The following SCN4A variants were observed in gnomAD, a reference collection of about 807,000 sequenced individuals.
SCN4A encodes the protein sodium channel protein type 4 subunit alpha.
In SCN4A, 83 loss-of-function variants were observed where a neutral mutation model predicts 162.0. That is an observed-to-expected ratio of 0.51 (90% CI 0.43 to 0.61). SCN4A has a LOEUF of 0.61. Ranked by LOEUF, SCN4A falls within the 20% of genes least tolerant of loss-of-function variation. The pLI, the probability that SCN4A is intolerant of heterozygous loss-of-function variation, is 0.00. For synonymous variants in SCN4A, 944 were observed against 985.1 expected (o/e 0.96, Z 0.78); for missense variants, 2,196 against 2,462.5 (o/e 0.89, Z 2.29).
chr17:63,943,243 G>C, intron 22 of SCN4A, 147 bp from the exon 23 acceptor site: 1 of 977,394 alleles, frequency 1.0e-6, no homozygotes, highest in Non-Finnish European at 1.5e-6. Context: ...AGAGAAAGGA[G>C]GTGTTGGGGG....
At position 63,945,132 on chromosome 17, in the gene SCN4A, C is replaced by T; in HGVS notation, c.3721-72G>A. On this transcript the variant is annotated intron_variant, in intron 19 of 23. Coordinates refer to ENST00000435607, the MANE Select transcript of SCN4A (RefSeq NM_000334.4). The surrounding 1 kb of genome is among the most constrained non-coding windows in gnomAD (Gnocchi z 4.4). ...TTCATCATCCATGAGTTTCCCTCCC[C>T]CACCCAACCTGGTCCTCCCCTGCCA... 2.0e-6 allele frequency: 3 copies of T among 1,501,744 alleles called. No homozygotes were observed. Among genetic ancestry groups the T allele is most frequent in the African/African-American group, 1.4e-5 (1 of 72,912 alleles). 93.0% of individuals were successfully genotyped at this position (1,501,744 alleles called of 1,614,324 possible).
chr17:63,949,294 A>G, intron 15 of SCN4A, 99 bp downstream of exon 15: 1 of 1,304,624 alleles, frequency 7.7e-7, no homozygotes, highest in Non-Finnish European at 1.0e-6. Context: ...ATGGCCAGGC[A>G]GCCCCAGGTC....
In SCN4A at chr17:63,948,718, G is replaced by C. The variant is rs1351279439; in HGVS notation, c.3037C>G (p.Arg1013Gly). ...CGCAGAGTCCACCACTTCTTCCCACGGCCCTGGGAGATGTCCACGTAGAGG... is the reference window on the plus strand; with the variant it reads ...CGCAGAGTCCACCACTTCTTCCCACCGCCCTGGGAGATGTCCACGTAGAGG... ...PCLYVDISQGRGKKWWTLRRA... is the reference protein window; with the variant it reads ...PCLYVDISQGGGKKWWTLRRA... Residue 1013 changes from arginine (R) to glycine (G), a missense_variant, in exon 16 of 24, where the codon CGT becomes GGT. Arg to Gly is a moderately radical substitution (Grantham distance 125). Coordinates refer to ENST00000435607, the MANE Select transcript of SCN4A (RefSeq NM_000334.4). The C allele has an allele frequency of 5.6e-6, 9 of 1,613,128 alleles. No individual in the cohort carries two copies. The highest frequency in any genetic ancestry group is 7.6e-6 in the Non-Finnish European group (9 of 1,179,588).
intron 13 of SCN4A, among the ~76,000 whole-genome samples, chr17:63,952,333 T>C (rs1908940266): frequency 6.6e-6 from 1 of 152,046 alleles, no homozygotes; most frequent in Admixed American, 6.6e-5. Flanking sequence ...CTAATCTTTG[T>C]ATTTTTTGTA....
At chr17:63,948,302 T>C (rs1908793998) in intron 16 of SCN4A, among the ~76,000 whole-genome samples, 1 of 152,106 alleles carries the variant, frequency 6.6e-6, no homozygotes, top group African/African-American at 2.4e-5. Flanking sequence ...ATTGCCATCA[T>C]CTGCTGGGCA....
intron 18 of SCN4A, 30 bp downstream of exon 18, chr17:63,947,014 AG>A: frequency 3.1e-5 from 22 of 716,348 alleles, no homozygotes; most frequent in Non-Finnish European, 4.6e-5. Context: ...CCCCATCCCC[AG>A]CCCACCCCAG....
chr17:63,961,034 C>G (rs549120485), intron 11 of SCN4A, among the ~76,000 whole-genome samples, 159 bp downstream of exon 11: 4 of 148,914 alleles, frequency 2.7e-5, no homozygotes, highest in African/African-American at 7.5e-5. Flanking sequence ...GTACCCCCCC[C>G]CACATCAACT....
At chr17:63,959,870 G>A (rs1330466707) in intron 11 of SCN4A, among the ~76,000 whole-genome samples, 4 of 152,098 alleles carry the variant, frequency 2.6e-5, no homozygotes, top group African/African-American at 9.7e-5. Context: ...CAGCTAGCTG[G>A]CATCACAGCA....
chr17:63,961,027 C>G (rs1406942150), intron 11 of SCN4A, among the ~76,000 whole-genome samples, 166 bp downstream of exon 11: 1 of 92,452 alleles, frequency 1.1e-5, no homozygotes, highest in Admixed American at 1.1e-4. Context: ...ACCCCAAGTA[C>G]CCCCCCCCAC....
At chr17:63,962,293 A>T (rs954342148) in intron 10 of SCN4A, among the ~76,000 whole-genome samples, 25 of 152,160 alleles carry the variant, frequency 1.6e-4, no homozygotes, top group Non-Finnish European at 2.5e-4. Context: ...TCGGGGATGC[A>T]CTGTCGGTAA....
Position 63,966,249 on chromosome 17 carries a change from A to G in SCN4A, c.1101-6T>C, listed in dbSNP as rs751790015. The stretch of plus-strand genomic sequence containing the variant: ...CATAACCCTCAGGGCAGTGCCTAGG[A>G]ATAGGACAGGGGGCTGGGTTTAGGG... On this transcript the variant is annotated splice_region_variant and splice_polypyrimidine_tract_variant and intron_variant, in intron 7 of 23. Transcript: ENST00000435607. 3 of 1,602,562 alleles carry G rather than the reference A, an allele frequency of 1.9e-6. No individual in the cohort carries two copies. In the South Asian group the frequency reaches 3.4e-5, roughly 18 times the overall value.
chr17:63,957,653 C>G, intron 12 of SCN4A, 135 bp from the exon 13 acceptor site: 1 of 630,192 alleles, frequency 1.6e-6, no homozygotes, highest in South Asian at 1.9e-5. Context: ...TCAGTGTGCC[C>G]TTCTGCTAAA....
intron 17 of SCN4A, among the ~76,000 whole-genome samples, chr17:63,947,675 C>A (rs545745667): frequency 6.6e-6 from 1 of 152,322 alleles, no homozygotes; most frequent in African/African-American, 2.4e-5. Context: ...CTGCTGTCTT[C>A]CCCCAAGGCC....
rs1908547703 is a variant in SCN4A at position 63,941,868 on chromosome 17, G to T, written c.4414C>A (p.Leu1472Met). Reference protein sequence around the residue: ...IRGAKGIRTLLFALMMSLPAL... With the variant: ...IRGAKGIRTLMFALMMSLPAL... ...GGCAGCGACATCATGAGGGCGAACA[G>T]CAGCGTCCGGATGCCCTTGGCCCCG... is the stretch of plus-strand genomic sequence containing the variant. Residue 1472 changes from leucine to methionine, a missense_variant, in exon 24 of 24, where the codon CTG (leucine) becomes ATG (methionine). By Grantham distance (15) the Leu-to-Met change is conservative. Transcript: ENST00000435607. The surrounding 1 kb of genome is among the most constrained non-coding windows in gnomAD (Gnocchi z 6.2). The T allele has an allele frequency of 1.2e-6, 2 of 1,613,874 alleles. No individual in the cohort carries two copies. Among genetic ancestry groups the T allele is most frequent in the Non-Finnish European group, 1.7e-6 (2 of 1,179,822 alleles).
At chr17:63,960,599 G>C (rs1909216238) in intron 11 of SCN4A, among the ~76,000 whole-genome samples, 1 of 152,164 alleles carries the variant, frequency 6.6e-6, no homozygotes, top group Non-Finnish European at 1.5e-5. Context: ...GGCTCCTCTG[G>C]GGCCGGCAAT....
At chr17:63,966,301 G>A in intron 7 of SCN4A, 58 bp from the exon 8 acceptor site, 1 of 1,548,536 alleles carries the variant, frequency 6.5e-7, no homozygotes, top group East Asian at 2.3e-5. Flanking sequence ...GCTGGGGGCA[G>A]ATAGGGACCC....
rs188666501 is a variant in SCN4A at position 63,950,277 on chromosome 17, C to A, written c.2854-749G>T. ...GTGGTGACCAGAAAACCACCATGGC[C>A]GGGGTGGGGGTCCTTGTTTTCATTA... On this transcript the variant is annotated intron_variant, in intron 14 of 23. Coordinates refer to ENST00000435607, the MANE Select transcript of SCN4A (RefSeq NM_000334.4). This position sits in a 1 kb window ranked among gnomAD's most constrained non-coding sequence, Gnocchi z 4.6. Among the ~76,000 whole-genome samples, 1 of 152,102 alleles carries A rather than the reference C, an allele frequency of 6.6e-6. No individual in the cohort carries two copies. Among genetic ancestry groups the A allele is most frequent in the African/African-American group, 2.4e-5 (1 of 41,414 alleles).
At chr17:63,959,145 G>C in intron 12 of SCN4A, 120 bp downstream of exon 12, 1 of 794,576 alleles carries the variant, frequency 1.3e-6, no homozygotes, top group Non-Finnish European at 2.0e-6. Flanking sequence ...ACAAGGCAGA[G>C]GAGGCCTCGT....
chr17:63,963,552 G>A (rs1380531193), intron 10 of SCN4A, 120 bp downstream of exon 10: 3 of 1,096,726 alleles, frequency 2.7e-6, no homozygotes, highest in African/African-American at 1.6e-5. Flanking sequence ...TGACCTCAGG[G>A]GCCTGAATGG....
Sources: allele counts gnomAD v4.1 joint callset (sites outside exome capture counted in the v4.1 genomes callset), GRCh38; gene constraint gnomAD v4.1.1; non-coding constraint Gnocchi (gnomAD v3.1); transcripts MANE v1.5; gene names NCBI Gene and HGNC (gene_info 2026-07-23, HGNC 2026-07-21).